The following PAPOLA variants were observed in gnomAD, a reference collection of about 807,000 sequenced individuals.
PAPOLA encodes polynucleotide adenylyltransferase alpha.
Under a neutral mutation model 100.6 loss-of-function variants are expected in PAPOLA, and 15 were observed. That is an observed-to-expected ratio of 0.15 (90% CI 0.10 to 0.23). The LOEUF is 0.23. PAPOLA is among the 10% of genes least tolerant of loss of function. The pLI, the probability that PAPOLA is intolerant of heterozygous loss-of-function variation, is 1.00. For synonymous variants in PAPOLA, 293 were observed against 300.0 expected (o/e 0.98, Z 0.24); for missense variants, 533 against 884.2 (o/e 0.60, Z 5.04).
chr14:96,539,075 A>G (rs920868373), intron 12 of PAPOLA, among the ~76,000 whole-genome samples: 4 of 152,116 alleles, frequency 2.6e-5, no homozygotes, highest in Admixed American at 6.5e-5. Flanking sequence ...TTGGAGTTCT[A>G]AGAAAACAGT....
intron 4 of PAPOLA, chr14:96,527,177 G>A (rs7142226): frequency 0.12 from 54,574 of 448,660 alleles, 3,642 homozygotes; most frequent in South Asian, 0.17. Flanking sequence ...AGTACTTGCT[G>A]AGCCATCTTT....
chr14:96,550,559 A>G (rs975713263), intron 16 of PAPOLA, among the ~76,000 whole-genome samples: 6 of 152,216 alleles, frequency 3.9e-5, no homozygotes, highest in African/African-American at 1.2e-4. Flanking sequence ...TTTTATTTAT[A>G]CACAGACTGT....
intron 9 of PAPOLA, chr14:96,532,890 A>G: frequency 8.4e-7 from 1 of 1,190,388 alleles, no homozygotes; most frequent in South Asian, 3.1e-5. Context: ...TTACCCTCTG[A>G]ATAAACTCTG....
chr14:96,544,375 A>G (rs1004208441), intron 15 of PAPOLA, 117 bp downstream of exon 15: 2 of 607,190 alleles, frequency 3.3e-6, no homozygotes, highest in African/African-American at 1.9e-5. Flanking sequence ...ATATTGAACT[A>G]TCATCAGAAT....
rs374397660 is a variant in PAPOLA, at chr14:96,542,768, G to A, written c.1170-6G>A. On this transcript the variant is annotated splice_polypyrimidine_tract_variant and splice_region_variant and intron_variant, in intron 13 of 21. Transcript: ENST00000216277. ...TTTTTGTTAATACTAAGTGACATTT[G>A]TTCAGGGTGGGCTTGGTGGAATCAA... The A allele has an allele frequency of 6.6e-5, 105 of 1,593,462 alleles. No homozygotes were observed. The highest frequency in any genetic ancestry group is 1.1e-4 in the Admixed American group (6 of 52,774).
chr14:96,529,811 C>A (rs762102059), intron 6 of PAPOLA, among the ~76,000 whole-genome samples: 1 of 152,106 alleles, frequency 6.6e-6, no homozygotes, highest in Non-Finnish European at 1.5e-5. Context: ...TGAAATCATA[C>A]CCTCAGGGAT....
At chr14:96,555,061 T>C (rs532540647) in intron 17 of PAPOLA, among the ~76,000 whole-genome samples, 18 of 152,134 alleles carry the variant, frequency 1.2e-4, no homozygotes, top group Non-Finnish European at 2.2e-4. Context: ...AATAAGTTAT[T>C]TTAAAAGTAA....
chr14:96,537,194 T>G, intron 12 of PAPOLA, 134 bp downstream of exon 12: 1 of 622,604 alleles, frequency 1.6e-6, no homozygotes, highest in Non-Finnish European at 2.9e-6. Flanking sequence ...ACATACTGTT[T>G]TAGTGAACTC....
In PAPOLA at chr14:96,566,120, TATA is replaced by T. The variant is rs1902251636; in HGVS notation, c.*1071_*1073del. 2.6e-6 allele frequency: 1 copy of T among 391,974 alleles called. No homozygotes were observed. Among genetic ancestry groups the T allele is most frequent in the Admixed American group, 4.4e-5 (1 of 22,614 alleles). 24.3% of individuals were successfully genotyped at this position (391,974 alleles called of 1,614,324 possible). On this transcript the variant is annotated 3_prime_UTR_variant, in exon 22 of 22. Transcript: ENST00000216277. The stretch of plus-strand genomic sequence containing the variant: ...TTGTACACTCCACAGAACTCCTATC[TATA>T]GTAAAATTGATTTTCAGTTTTAAAT...
chr14:96,532,107 G>GT, intron 7 of PAPOLA: 1 of 1,346,264 alleles, frequency 7.4e-7, no homozygotes, highest in African/African-American at 1.5e-5. Flanking sequence ...TCTTTGGTCA[G>GT]TGCTTACAAT....
chr14:96,537,271 ACTC>A, intron 12 of PAPOLA: 1 of 534,568 alleles, frequency 1.9e-6, no homozygotes, highest in South Asian at 2.4e-5. Context: ...ATCTAACTGA[ACTC>A]CTGCTACATT....
chr14:96,548,188 T>C (rs1900541908), intron 16 of PAPOLA, among the ~76,000 whole-genome samples: 1 of 152,172 alleles, frequency 6.6e-6, no homozygotes. Flanking sequence ...GGACTTTTTA[T>C]TCTTATTCAC....
chr14:96,562,923 T>C, intron 21 of PAPOLA, 30 bp downstream of exon 21: 1 of 1,332,926 alleles, frequency 7.5e-7, no homozygotes, highest in Non-Finnish European at 1.1e-6. Context: ...AGGAGAATTT[T>C]GTAAATGTCC....
chr14:96,527,536 A>G lies in PAPOLA; in HGVS notation c.438A>G (p.Leu146=). The change falls in exon 5 of 22, where the codon TTA becomes TTG. Residue 146 remains leucine (L), a synonymous_variant. Transcript: ENST00000216277. ...KLKLQEEVKD[L]RAVEEAFVPV... ...AATTACAGGAAGAAGTAAAAGATTT[A>G]AGAGTGCGTAAATGTTCGGGGTGAA... is the stretch of plus-strand genomic sequence containing the variant. The G allele has an allele frequency of 1.3e-6, 2 of 1,501,348 alleles. No homozygotes were observed. Among genetic ancestry groups the G allele is most frequent in the East Asian group, 2.3e-5 (1 of 44,322 alleles). 93.0% of individuals were successfully genotyped at this position (1,501,348 alleles called of 1,614,324 possible).
intron 12 of PAPOLA, among the ~76,000 whole-genome samples, chr14:96,539,630 CAA>C (rs1899816151): frequency 6.6e-6 from 1 of 152,068 alleles, no homozygotes. Context: ...GCAATTGCAT[CAA>C]GACTTCAAAG....
chr14:96,551,372 T>A (rs551358176), intron 16 of PAPOLA, among the ~76,000 whole-genome samples: 2 of 152,326 alleles, frequency 1.3e-5, no homozygotes, highest in South Asian at 2.1e-4. Context: ...GATACTCATT[T>A]ATAATATTAG....
intron 19 of PAPOLA, among the ~76,000 whole-genome samples, chr14:96,558,644 T>C (rs1901557330): frequency 6.6e-6 from 1 of 152,138 alleles, no homozygotes; most frequent in Non-Finnish European, 1.5e-5. Flanking sequence ...ATCACACAGC[T>C]TCTGTTATAA....
chr14:96,533,515 GGT>G, intron 9 of PAPOLA: 1 of 951,980 alleles, frequency 1.1e-6, no homozygotes, highest in Non-Finnish European at 1.2e-6. Flanking sequence ...CTTATAATCA[GGT>G]GTGATAAGAT....
At chr14:96,557,790 C>A (rs1436220470) in intron 19 of PAPOLA, among the ~76,000 whole-genome samples, 1 of 144,450 alleles carries the variant, frequency 6.9e-6, no homozygotes, top group Non-Finnish European at 1.5e-5. Context: ...TAAAAGTAAT[C>A]TGATGAATTT....
Sources: gnomAD v4.1 joint callset for allele counts (sites outside exome capture counted in the v4.1 genomes callset) on GRCh38, gnomAD v4.1.1 for gene constraint, MANE v1.5 for transcripts, NCBI Gene and HGNC (gene_info 2026-07-23, HGNC 2026-07-21) for gene names.